DOCK8: variants seen among roughly 807,000 people sequenced by gnomAD.
The protein encoded by DOCK8 is dedicator of cytokinesis 8.
A neutral mutation model predicts 245.6 loss-of-function variants in DOCK8; 141 were observed. The ratio of observed to expected loss-of-function variants is 0.57; its 90% confidence interval spans 0.50 to 0.66. The LOEUF is 0.66. Ranked by LOEUF, DOCK8 falls within the 30% of genes least tolerant of loss-of-function variation. The pLI, the probability that DOCK8 is intolerant of heterozygous loss-of-function variation, is 0.00. For synonymous variants in DOCK8, 1,168 were observed against 970.2 expected (o/e 1.20, Z -3.79); for missense variants, 2,965 against 2,603.4 (o/e 1.14, Z -3.02).
At chr9:258,426 G>A (rs1278211590) in intron 1 of DOCK8, among the ~76,000 whole-genome samples, 2 of 152,110 alleles carry the variant, frequency 1.3e-5, no homozygotes, top group East Asian at 1.9e-4. Context: ...GGAGAAATGA[G>A]GTGTTTTTAA....
At chr9:268,001 C>G (rs901110307) in intron 1 of DOCK8, 1 of 152,216 alleles carries the variant, frequency 6.6e-6, no homozygotes, top group Non-Finnish European at 1.5e-5. Context: ...TCCAGACACA[C>G]AGAGCCAATA....
At chr9:247,868 C>G (rs1195667401) in intron 1 of DOCK8, among the ~76,000 whole-genome samples, 1 of 151,826 alleles carries the variant, frequency 6.6e-6, no homozygotes, top group Admixed American at 6.6e-5. Context: ...TGAATACTTC[C>G]AGACTAAATT....
At chr9:230,981 CT>C (rs2047103157) in intron 1 of DOCK8, among the ~76,000 whole-genome samples, 1 of 152,060 alleles carries the variant, frequency 6.6e-6, no homozygotes, top group African/African-American at 2.4e-5. Flanking sequence ...TTGCCCATGC[CT>C]ATGTCCTGAA....
chr9:427,160 C>G (rs573901710), intron 34 of DOCK8, among the ~76,000 whole-genome samples, 179 bp downstream of exon 34: 3 of 152,302 alleles, frequency 2.0e-5, no homozygotes, highest in African/African-American at 7.2e-5. Context: ...TCCAGAGATA[C>G]CAAACATTCT....
At chr9:250,625 A>G (rs2047622458) in intron 1 of DOCK8, among the ~76,000 whole-genome samples, 1 of 152,150 alleles carries the variant, frequency 6.6e-6, no homozygotes, top group South Asian at 2.1e-4. Context: ...TCATAGTACT[A>G]TCATTTGGGA....
At chr9:463,419 TTAAAG>T in intron 46 of DOCK8, 93 bp from the exon 47 acceptor site, 1 of 1,495,846 alleles carries the variant, frequency 6.7e-7, no homozygotes, top group Non-Finnish European at 9.2e-7. Context: ...GAAAACGTTC[TTAAAG>T]TTATTCGAAA....
At chr9:227,152 C>T (rs1490597821) in intron 1 of DOCK8, among the ~76,000 whole-genome samples, 1 of 152,060 alleles carries the variant, frequency 6.6e-6, no homozygotes, top group African/African-American at 2.4e-5. Flanking sequence ...AAGTTTTCCT[C>T]AAAGGATGCT....
chr9:395,783 G>A (rs1441760869), intron 24 of DOCK8, among the ~76,000 whole-genome samples: 1 of 152,062 alleles, frequency 6.6e-6, no homozygotes, highest in African/African-American at 2.4e-5. Context: ...GCATGATCTT[G>A]ATTTAAAATT....
At chr9:420,626 C>G (rs1339462873) in intron 31 of DOCK8, 43 bp downstream of exon 31, 1 of 1,609,600 alleles carries the variant, frequency 6.2e-7, no homozygotes, top group Admixed American at 1.7e-5. Context: ...TCTTATCTCT[C>G]AATTGCAATT....
chr9:418,099 C>G lies in DOCK8; in HGVS notation c.3732C>G (p.Gly1244=). The G allele has an allele frequency of 6.2e-7, 1 of 1,614,212 alleles. No individual in the cohort carries two copies. The highest frequency in any genetic ancestry group is 8.5e-7 in the Non-Finnish European group (1 of 1,180,042). The change falls in exon 30 of 48, where the codon GGC becomes GGG. Residue 1244 remains glycine, a synonymous_variant. Coordinates refer to ENST00000432829, the MANE Select transcript of DOCK8 (RefSeq NM_203447.4). ...VADTRRYRTS[G]SDEEQEGAGA... ...ATACTCGCAGATACCGCACCAGTGG[C>G]TCGGATGAAGAACAAGAAGGAGCCG...
chr9:330,201 T>A (rs969158378), intron 9 of DOCK8, among the ~76,000 whole-genome samples: 26 of 151,882 alleles, frequency 1.7e-4, no homozygotes, highest in Non-Finnish European at 3.5e-4. Flanking sequence ...TTTTGTGAAA[T>A]TTTTTTTTAA....
intron 33 of DOCK8, among the ~76,000 whole-genome samples, chr9:423,758 C>T (rs969311646): frequency 1.3e-5 from 2 of 152,092 alleles, no homozygotes; most frequent in South Asian, 2.1e-4. Context: ...CATTCTACTT[C>T]GGGCAATGAA....
At chr9:458,670 G>A (rs542587355) in intron 46 of DOCK8, among the ~76,000 whole-genome samples, 161 of 152,208 alleles carry the variant, frequency 1.1e-3, no homozygotes, top group African/African-American at 3.3e-3. Context: ...AAAATTAACC[G>A]GGTGTAGTGG....
intron 2 of DOCK8, among the ~76,000 whole-genome samples, chr9:277,471 G>GAAGAGAA (rs2048398153): frequency 6.9e-6 from 1 of 144,682 alleles, no homozygotes; most frequent in Non-Finnish European, 1.5e-5. Context: ...GAAGAGAAGA[G>GAAGAGAA]AAGAGAAGAG....
intron 1 of DOCK8, chr9:215,428 C>G: frequency 1.3e-6 from 2 of 1,508,530 alleles, no homozygotes; most frequent in Non-Finnish European, 1.8e-6. Context: ...CAAGTCTGAG[C>G]GCGGGGGGAA....
intron 1 of DOCK8, among the ~76,000 whole-genome samples, chr9:258,936 A>C (rs2047848876): frequency 1.3e-5 from 2 of 152,092 alleles, no homozygotes; most frequent in African/African-American, 4.8e-5. Flanking sequence ...ATAGTTTAAA[A>C]AGCTGTATGT....
intron 14 of DOCK8, among the ~76,000 whole-genome samples, chr9:349,950 C>T (rs1023537980): frequency 6.6e-6 from 1 of 152,072 alleles, no homozygotes; most frequent in South Asian, 2.1e-4. Flanking sequence ...CTTCTTTCTC[C>T]CTCCGCCGCC....
chr9:381,398 G>A (rs999403033), intron 21 of DOCK8: 2 of 152,282 alleles, frequency 1.3e-5, no homozygotes, highest in African/African-American at 2.4e-5. Context: ...TCCAATGGCA[G>A]TGGTTCTTAA....
intron 1 of DOCK8, among the ~76,000 whole-genome samples, chr9:225,667 T>TA (rs372944950): frequency 6.6e-6 from 1 of 151,994 alleles, no homozygotes; most frequent in Non-Finnish European, 1.5e-5. Context: ...GTTCTTATTC[T>TA]AAAAAAAGTA....
Sources: allele counts gnomAD v4.1 joint callset (sites outside exome capture counted in the v4.1 genomes callset), GRCh38; gene constraint gnomAD v4.1.1; transcripts MANE v1.5; gene names NCBI Gene and HGNC (gene_info 2026-07-23, HGNC 2026-07-21).